Variants in NTN4 observed in about 807,000 individuals in gnomAD.
NTN4 encodes the protein netrin 4, also known as netrin-4.
Under a neutral mutation model 73.6 loss-of-function variants are expected in NTN4, and 32 were observed. That is an observed-to-expected ratio of 0.44 (90% confidence interval 0.33 to 0.58). The LOEUF (loss-of-function observed/expected upper bound fraction) is 0.58. Ranked by LOEUF, NTN4 falls within the 20% of genes least tolerant of loss-of-function variation. The pLI is 0.04. For synonymous variants in NTN4, 258 were observed against 287.5 expected, an observed-to-expected ratio of 0.90 and a Z score of 1.04; for missense variants, 654 against 798.3, an observed-to-expected ratio of 0.82 and a Z score of 2.18.
intron 2 of NTN4, among the ~76,000 whole-genome samples, chr12:95,780,836 A>G (rs989346982): frequency 5.9e-5 from 9 of 152,232 alleles, no homozygotes; most frequent in Admixed American, 2.6e-4. Context: ...ATGCTGCTAT[A>G]AAGATACATG....
intron 2 of NTN4, among the ~76,000 whole-genome samples, chr12:95,740,869 AACTTG>A (rs1488237496): frequency 6.6e-6 from 1 of 152,144 alleles, no homozygotes; most frequent in African/African-American, 2.4e-5. Flanking sequence ...ACCCCTAGGG[AACTTG>A]TCAGAGATGC....
chr12:95,732,457 G>A (rs1301319176), intron 3 of NTN4, among the ~76,000 whole-genome samples: 1 of 127,422 alleles, frequency 7.8e-6, no homozygotes, highest in Non-Finnish European at 1.6e-5. Flanking sequence ...AGGCTGGAGT[G>A]CAATGGCGCA....
chr12:95,751,915 C>T lies in NTN4; in HGVS notation c.586-13771G>A, dbSNP rs541977752. 7.6e-4 allele frequency among the ~76,000 whole-genome samples: 108 copies of T among 141,244 alleles called. 1 individual carries two copies. The highest frequency in any genetic ancestry group is 1.7e-3 in the Admixed American group (24 of 14,182). 92.7% of individuals were successfully genotyped at this position (141,244 alleles called of 152,430 possible). A position where few individuals can be genotyped will look rare whatever the true frequency, so the allele number is the denominator to read the frequency against. On this transcript the variant is annotated intron_variant, in intron 2 of 9. Transcript: ENST00000343702. ...TTTAAGCACTCCTTTTTAGTTATCCCCACCTGCCCAGTTCCCTTATTAGGC... is the reference window on the plus strand; with the variant it reads ...TTTAAGCACTCCTTTTTAGTTATCCTCACCTGCCCAGTTCCCTTATTAGGC...
intron 7 of NTN4, among the ~76,000 whole-genome samples, chr12:95,680,693 AG>A (rs1434439803): frequency 1.3e-5 from 2 of 152,248 alleles, no homozygotes; most frequent in African/African-American, 2.4e-5. Flanking sequence ...CTACATAATC[AG>A]GTAAAAAATG....
At position 95,780,114 on chromosome 12, in the gene NTN4, T is replaced by G. The variant is rs578134621; in HGVS notation, c.585+6825A>C. ...CTAGCCATATGTAGAAAGCTGAAAC[T>G]GGATCCCTTCCTTACACCTTATACA... On this transcript the variant is annotated intron_variant, in intron 2 of 9. Coordinates refer to ENST00000343702, the MANE Select transcript of NTN4 (RefSeq NM_021229.4). Among the ~76,000 whole-genome samples, 24 of 152,254 alleles carry G rather than the reference T, an allele frequency of 1.6e-4. No homozygotes were observed. The South Asian group carries it at 4.8e-3, about 30-fold the overall frequency.
At chr12:95,708,977 T>C (rs2078542064) in intron 5 of NTN4, among the ~76,000 whole-genome samples, 1 of 152,124 alleles carries the variant, frequency 6.6e-6, no homozygotes, top group Non-Finnish European at 1.5e-5. Context: ...AACAGGATGC[T>C]GGGAGAAATA....
At chr12:95,683,906 A>G (rs2078339841) in intron 5 of NTN4, among the ~76,000 whole-genome samples, 195 bp from the exon 6 acceptor site, 1 of 152,252 alleles carries the variant, frequency 6.6e-6, no homozygotes, top group Non-Finnish European at 1.5e-5. Context: ...TCAGAAAAGC[A>G]TGTCTGCTGC....
At chr12:95,783,447 G>C (rs1200512868) in intron 2 of NTN4, among the ~76,000 whole-genome samples, 3 of 152,194 alleles carry the variant, frequency 2.0e-5, no homozygotes, top group Non-Finnish European at 4.4e-5. Flanking sequence ...CATCTCAGAG[G>C]ACATTACTGC....
At position 95,696,011 on chromosome 12, in the gene NTN4, C is replaced by T. The variant is rs186002926; in HGVS notation, c.1181-12300G>A. On this transcript the variant is annotated intron_variant, in intron 5 of 9. Transcript: ENST00000343702. ...CCCCTTCCCCTTCCCCTTTCCCTCCCTCCCATACTCACTTCCTTCCTTCCT... is the reference window on the plus strand; with the variant it reads ...CCCCTTCCCCTTCCCCTTTCCCTCCTTCCCATACTCACTTCCTTCCTTCCT... 4.1e-4 allele frequency among the ~76,000 whole-genome samples: 62 copies of T among 150,834 alleles called. No individual in the cohort carries two copies. The East Asian group carries it at 0.011, about 27-fold the overall frequency.
intron 7 of NTN4, among the ~76,000 whole-genome samples, chr12:95,680,917 C>T (rs942055535): frequency 1.3e-5 from 2 of 152,138 alleles, no homozygotes; most frequent in African/African-American, 2.4e-5. Flanking sequence ...CGGCCGGGCG[C>T]GGTGGCTCAC....
chr12:95,739,714 C>T (rs1374059472), intron 2 of NTN4, among the ~76,000 whole-genome samples: 4 of 152,164 alleles, frequency 2.6e-5, no homozygotes, highest in Non-Finnish European at 4.4e-5. Flanking sequence ...AAGGACACAC[C>T]AGTGCTAACC....
chr12:95,731,322 C>T (rs2078735433), intron 3 of NTN4, among the ~76,000 whole-genome samples: 1 of 152,124 alleles, frequency 6.6e-6, no homozygotes, highest in South Asian at 2.1e-4. Flanking sequence ...AATCCCAGCA[C>T]TTTGGGAGGG....
intron 7 of NTN4, among the ~76,000 whole-genome samples, chr12:95,682,265 G>T (rs1245184207): frequency 6.6e-6 from 1 of 151,596 alleles, no homozygotes; most frequent in African/African-American, 2.4e-5. Context: ...TGTTTCCCAG[G>T]CTGGTCTTGA....
At chr12:95,698,096 T>A (rs1178930095) in intron 5 of NTN4, among the ~76,000 whole-genome samples, 1 of 152,194 alleles carries the variant, frequency 6.6e-6, no homozygotes, top group Non-Finnish European at 1.5e-5. Flanking sequence ...CTAAGCCATT[T>A]CATATAAGGG....
intron 2 of NTN4, among the ~76,000 whole-genome samples, chr12:95,746,241 G>A (rs921707000): frequency 3.9e-5 from 6 of 152,128 alleles, no homozygotes; most frequent in Non-Finnish European, 7.3e-5. Context: ...CCAGGAATTC[G>A]TCCGATTGAT....
At position 95,750,218 on chromosome 12, in the gene NTN4, C is replaced by T. The variant is rs180889640; in HGVS notation, c.586-12074G>A. On this transcript the variant is annotated intron_variant, in intron 2 of 9. Transcript: ENST00000343702. ...ATTTCTGTGCCCCATCCCTTATTTCCGTGCCCCGACCTCTTATCTCTGCGC... is the reference window on the plus strand; with the variant it reads ...ATTTCTGTGCCCCATCCCTTATTTCTGTGCCCCGACCTCTTATCTCTGCGC... Among the ~76,000 whole-genome samples the T allele has an allele frequency of 2.3e-3, 347 of 149,612 alleles. 3 individuals carry two copies. The highest frequency in any genetic ancestry group is 7.5e-3 in the African/African-American group (305 of 40,634).
chr12:95,769,778 C>T (rs560532906), intron 2 of NTN4, among the ~76,000 whole-genome samples: 16 of 108,974 alleles, frequency 1.5e-4, no homozygotes, highest in East Asian at 2.7e-4. Flanking sequence ...TTTTTTGAGA[C>T]GGAGTTTCAC....
intron 2 of NTN4, among the ~76,000 whole-genome samples, chr12:95,741,345 TTATA>T (rs2078822208): frequency 7.0e-6 from 1 of 142,538 alleles, no homozygotes; most frequent in African/African-American, 2.5e-5. Context: ...TTAAATACAA[TTATA>T]TATAATTCAT....
At chr12:95,703,856 A>G (rs1017572964) in intron 5 of NTN4, among the ~76,000 whole-genome samples, 15 of 152,278 alleles carry the variant, frequency 9.9e-5, no homozygotes, top group African/African-American at 3.6e-4. Flanking sequence ...GTTCTGGCTA[A>G]CTCTGAAAAA....
Sources: gnomAD v4.1 joint callset for allele counts (sites outside exome capture counted in the v4.1 genomes callset) on GRCh38, gnomAD v4.1.1 for gene constraint, MANE v1.5 for transcripts, NCBI Gene and HGNC (gene_info 2026-07-23, HGNC 2026-07-21) for gene names.